Variants in HERC2 observed in about 807,000 individuals in gnomAD.
HERC2 encodes HECT and RLD domain containing E3 ubiquitin protein ligase 2.
Under a neutral mutation model 537.7 loss-of-function variants are expected in HERC2, and 102 were observed. The ratio of observed to expected loss-of-function variants is 0.19; its 90% CI spans 0.16 to 0.22. The LOEUF (loss-of-function observed/expected upper bound fraction) is 0.22. HERC2 is among the 10% of genes least tolerant of loss of function. HERC2 has a pLI of 1.00. For synonymous variants in HERC2, 2,224 were observed against 2,466.2 expected, an observed-to-expected ratio of 0.90 and a Z score of 2.91; for missense variants, 4,236 against 6,198.2, an observed-to-expected ratio of 0.68 and a Z score of 10.63.
rs201962727 is a variant in HERC2, at chr15:28,245,877, G to A, written c.3577+4C>T. The A allele has an allele frequency of 2.6e-4, 422 of 1,612,422 alleles. 2 individuals are homozygous for A. The African/African-American group carries it at 2.8e-3, about 11-fold the overall frequency. ...CTCAGTAAAACTCCTTTAAGACGCC[G>A]TACCCATTATGCCAGGCCAGGCTAA... On this transcript the variant is annotated splice_donor_region_variant and intron_variant, in intron 23 of 92. Coordinates refer to ENST00000261609, the MANE Select transcript of HERC2 (RefSeq NM_004667.6).
At chr15:28,241,321 G>A (rs1439152303) in intron 23 of HERC2, among the ~76,000 whole-genome samples, 1 of 151,694 alleles carries the variant, frequency 6.6e-6, no homozygotes, top group African/African-American at 2.4e-5. Flanking sequence ...AAACCACAAT[G>A]AGATACCACT....
chr15:28,139,284 C>T (rs1231663580), intron 78 of HERC2, among the ~76,000 whole-genome samples: 6 of 152,288 alleles, frequency 3.9e-5, no homozygotes, highest in Admixed American at 6.5e-5. Flanking sequence ...TACACAGGAC[C>T]GGGGCTCTGT....
chr15:28,310,783 A>G (rs2076920132), intron 2 of HERC2, among the ~76,000 whole-genome samples: 1 of 152,182 alleles, frequency 6.6e-6, no homozygotes, highest in Non-Finnish European at 1.5e-5. Flanking sequence ...AGGTGAACTA[A>G]GAAGCTATTA....
At chr15:28,321,783 A>G (rs2077237251) in intron 1 of HERC2, among the ~76,000 whole-genome samples, 1 of 137,992 alleles carries the variant, frequency 7.2e-6, no homozygotes, top group Non-Finnish European at 1.5e-5. Flanking sequence ...ACACACACAT[A>G]ACAGGGAGCC....
At chr15:28,134,466 T>C (rs1374965837) in intron 79 of HERC2, among the ~76,000 whole-genome samples, 1 of 152,206 alleles carries the variant, frequency 6.6e-6, no homozygotes, top group Non-Finnish European at 1.5e-5. Flanking sequence ...TTTGCACTGC[T>C]GTACCGCACT....
chr15:28,231,768 G>A (rs1380597788), intron 30 of HERC2, among the ~76,000 whole-genome samples: 1 of 151,726 alleles, frequency 6.6e-6, no homozygotes, highest in Non-Finnish European at 1.5e-5. Context: ...AAGCCTGAGA[G>A]AAGGCTCGGG....
chr15:28,121,392 A>T lies in HERC2; in HGVS notation c.13226T>A (p.Val4409Glu). The T allele has an allele frequency of 6.2e-7, 1 of 1,614,226 alleles. No homozygotes were observed. The highest frequency in any genetic ancestry group is 8.5e-7 in the Non-Finnish European group (1 of 1,180,032). Reference protein sequence around the residue: ...AFRKVVQATMVRDRQHGPVVE... With the variant: ...AFRKVVQATMERDRQHGPVVE... ...GACGGGGCCATGCTGACGATCGCGT[A>T]CCATAGTTGCTTGTACTACTTTCCG... Residue 4409 changes from valine (V) to glutamate (E), a missense_variant, in exon 86 of 93, where the codon GTA (valine) becomes GAA (glutamate). Val to Glu is a moderately radical substitution (Grantham distance 121). Around this residue, in one of 27 missense-constraint regions of HERC2, gnomAD observed 189 missense variants for 255.7 expected, o/e 0.74. Transcript: ENST00000261609.
At chr15:28,308,419 A>G (rs1383481382) in intron 2 of HERC2, among the ~76,000 whole-genome samples, 1 of 152,382 alleles carries the variant, frequency 6.6e-6, no homozygotes, top group East Asian at 1.9e-4. Context: ...CTGCAATTGT[A>G]TTGAATTTAT....
intron 82 of HERC2, 38 bp downstream of exon 82, chr15:28,130,465 T>C (rs766042178): frequency 6.3e-7 from 1 of 1,589,272 alleles, no homozygotes; most frequent in South Asian, 1.1e-5. Context: ...AATAAAAATC[T>C]GGTTTTAGTG....
rs535655256 is a variant in HERC2, at chr15:28,210,376, G to A, written c.7069+626C>T. ...TCTCTAGCTCCTGACCTCGTGATCCGCCGCCCGCCTCGGCCTCCCAAAGTG... is the reference window on the plus strand; with the variant it reads ...TCTCTAGCTCCTGACCTCGTGATCCACCGCCCGCCTCGGCCTCCCAAAGTG... On this transcript the variant is annotated intron_variant, in intron 44 of 92. Coordinates refer to ENST00000261609, the MANE Select transcript of HERC2 (RefSeq NM_004667.6). Among the ~76,000 whole-genome samples, 12 of 152,042 alleles carry A rather than the reference G, an allele frequency of 7.9e-5. No individual in the cohort carries two copies. In the South Asian group the frequency reaches 1.9e-3, roughly 24 times the overall value.
chr15:28,281,425 C>T (rs149981900), intron 4 of HERC2, among the ~76,000 whole-genome samples: 95 of 152,310 alleles, frequency 6.2e-4, no homozygotes, highest in African/African-American at 2.2e-3. Flanking sequence ...GCTTACTAGC[C>T]TGGAGGCCAG....
At chr15:28,278,721 CTT>C (rs1003471826) in intron 5 of HERC2, among the ~76,000 whole-genome samples, 23 of 152,310 alleles carry the variant, frequency 1.5e-4, no homozygotes, top group African/African-American at 2.6e-4. Context: ...GGGTTTTGCT[CTT>C]GTTTCTTTCT....
intron 65 of HERC2, among the ~76,000 whole-genome samples, chr15:28,170,007 C>T (rs1176376729): frequency 6.6e-6 from 1 of 152,114 alleles, no homozygotes; most frequent in Admixed American, 6.5e-5. Context: ...GAATACAAAA[C>T]AACAAAGAGA....
At chr15:28,254,565 G>C in intron 19 of HERC2, 47 bp from the exon 20 acceptor site, 1 of 1,352,000 alleles carries the variant, frequency 7.4e-7, no homozygotes, top group Non-Finnish European at 1.0e-6. Context: ...TCATTACCAG[G>C]TGTGAAGACA....
intron 56 of HERC2, among the ~76,000 whole-genome samples, chr15:28,183,045 T>C (rs1566980361): frequency 6.6e-6 from 1 of 152,124 alleles, no homozygotes; most frequent in Non-Finnish European, 1.5e-5. Flanking sequence ...CAATGTAAAA[T>C]GCTTCTCTCT....
At chr15:28,297,353 T>C (rs544523382) in intron 3 of HERC2, among the ~76,000 whole-genome samples, 95 of 151,568 alleles carry the variant, frequency 6.3e-4, no homozygotes, top group African/African-American at 2.2e-3. Context: ...CTTTTATCTC[T>C]GGAAAGAAAA....
chr15:28,134,297 GT>G (rs1890392924), intron 79 of HERC2, among the ~76,000 whole-genome samples: 2 of 152,152 alleles, frequency 1.3e-5, no homozygotes, highest in Non-Finnish European at 2.9e-5. Context: ...AGATGTACAA[GT>G]AACTTTTATT....
intron 2 of HERC2, among the ~76,000 whole-genome samples, chr15:28,314,390 G>C (rs1037544477): frequency 6.6e-6 from 1 of 152,158 alleles, no homozygotes; most frequent in Non-Finnish European, 1.5e-5. Context: ...AGTGAGACAA[G>C]GAGATCAATG....
At chr15:28,290,946 G>GA (rs1358083023) in intron 4 of HERC2, among the ~76,000 whole-genome samples, 1 of 151,702 alleles carries the variant, frequency 6.6e-6, no homozygotes, top group Non-Finnish European at 1.5e-5. Context: ...AAAGCCAGCA[G>GA]AAAAAAGGAA....
Sources: allele counts gnomAD v4.1 joint callset (sites outside exome capture counted in the v4.1 genomes callset), GRCh38; gene constraint gnomAD v4.1.1; regional missense constraint gnomAD v4.1.1; transcripts MANE v1.5; gene names NCBI Gene and HGNC (gene_info 2026-07-23, HGNC 2026-07-21).